The following OR5K1 variants were observed in gnomAD, a reference collection of about 807,000 sequenced individuals.
OR5K1 encodes the protein olfactory receptor family 5 subfamily K member 1.
OR5K1 carries 7 observed loss-of-function variants against 10.4 expected under a neutral mutation model. The observed-to-expected ratio is 0.67, with a 90% CI of 0.38 to 1.26. The LOEUF (loss-of-function observed/expected upper bound fraction) is 1.26. Among genes scored for constraint, OR5K1 ranks in the 50% most tolerant of loss-of-function variants. The probability of loss-of-function intolerance (pLI) is 0.02; values close to 1 mark genes in which losing one functional copy is unlikely to be tolerated. For synonymous variants in OR5K1, 135 were observed against 128.5 expected, an observed-to-expected ratio of 1.05 and a Z score of -0.34; for missense variants, 435 against 366.2, an observed-to-expected ratio of 1.19 and a Z score of -1.53.
intron 1 of OR5K1, among the ~76,000 whole-genome samples, chr3:98,463,794 G>A (rs1705339056): frequency 6.6e-6 from 1 of 152,030 alleles, no homozygotes; most frequent in African/African-American, 2.4e-5. Context: ...TATTCTTAGA[G>A]AAATAAAATA....
At position 98,469,567 on chromosome 3, in the gene OR5K1, C is replaced by G; in HGVS notation, c.-10C>G. The G allele has an allele frequency of 6.3e-7, 1 of 1,592,470 alleles. No homozygotes were observed. The highest frequency in any genetic ancestry group is 8.6e-7 in the Non-Finnish European group (1 of 1,169,190). On this transcript the variant is annotated splice_region_variant and 5_prime_UTR_variant, in exon 2 of 2. Coordinates refer to ENST00000642057, the MANE Select transcript of OR5K1 (RefSeq NM_001004736.4). ...TCTTTCTCCACAATTTTTTTTCAGA[C>G]AAGTCAGGAATGGCTGAAGAAAATC...
At position 98,469,611 on chromosome 3, in the gene OR5K1, T is replaced by C. The variant is rs201551866; in HGVS notation, c.35T>C (p.Phe12Ser). ...GAAAATCATACCATGAAAAATGAGT[T>C]TATCCTCACAGGATTTACAGATCAC... ...AEENHTMKNE[F>S]ILTGFTDHPE... Residue 12 changes from phenylalanine (F) to serine (S), a missense_variant, in exon 2 of 2, where the codon TTT becomes TCT. Transcript: ENST00000642057. 1 of 1,611,310 alleles carries C rather than the reference T, an allele frequency of 6.2e-7. No homozygotes were observed. Among genetic ancestry groups the C allele is most frequent in the East Asian group, 2.2e-5 (1 of 44,828 alleles).
rs1559640829 is a variant in OR5K1 at position 98,470,053 on chromosome 3, T to G, written c.477T>G (p.His159Gln). Residue 159 changes from histidine (H) to glutamine (Q), a missense_variant, in exon 2 of 2, where the codon CAT becomes CAG. His to Gln is a conservative substitution (Grantham distance 24). Transcript: ENST00000642057. ...CTGGAAACCTGCATTCCATGATTCA[T>G]GTAGGGCTTGTATTTAGGTTAGTTT... ...FIAGNLHSMIHVGLVFRLVFC... is the reference protein window; with the variant it reads ...FIAGNLHSMIQVGLVFRLVFC... 6.2e-7 allele frequency: 1 copy of G among 1,613,664 alleles called. No homozygotes were observed.
intron 1 of OR5K1, among the ~76,000 whole-genome samples, chr3:98,463,539 G>A (rs556621846): frequency 4.6e-4 from 70 of 152,148 alleles, no homozygotes; most frequent in Admixed American, 1.6e-3. Flanking sequence ...AGAGATAAAA[G>A]CACACTTTTA....
chr3:98,471,343 G>T lies in OR5K1; in HGVS notation c.*840G>T, dbSNP rs1481190522. The T allele has an allele frequency of 2.0e-5, 3 of 151,610 alleles. No individual in the cohort carries two copies. Among genetic ancestry groups the T allele is most frequent in the Non-Finnish European group, 4.4e-5 (3 of 67,876 alleles). 9.4% of individuals were successfully genotyped at this position (151,610 alleles called of 1,614,324 possible). On this transcript the variant is annotated 3_prime_UTR_variant, in exon 2 of 2. Transcript: ENST00000642057. ...TTCAACAATAGAGACCACTACCCTG[G>T]GTATATTATATATAGAAATGTAAAA...
Position 98,465,255 on chromosome 3 carries a change from A to G in OR5K1, c.-12+1948A>G, listed in dbSNP as rs549429049. 3.3e-5 allele frequency among the ~76,000 whole-genome samples: 5 copies of G among 152,260 alleles called. No homozygotes were observed. In the South Asian group the frequency reaches 8.3e-4, roughly 25 times the overall value. ...TAAAACTTTCTATTTTGTTTTTTAC[A>G]TAACGTATTTCTATCTATTTTATCA... On this transcript the variant is annotated intron_variant, in intron 1 of 1. Coordinates refer to ENST00000642057, the MANE Select transcript of OR5K1 (RefSeq NM_001004736.4).
In OR5K1 at chr3:98,469,491, C is replaced by T. The variant is rs1036367530; in HGVS notation, c.-11-75C>T. 8 of 1,393,994 alleles carry T rather than the reference C, an allele frequency of 5.7e-6. No homozygotes were observed. The African/African-American group carries it at 8.7e-5, about 15-fold the overall frequency. 86.4% of individuals were successfully genotyped at this position (1,393,994 alleles called of 1,614,324 possible). On this transcript the variant is annotated intron_variant, in intron 1 of 1. Transcript: ENST00000642057. Reference sequence around the variant, plus strand: ...AACATTGTGGAAGATGCTCTCCTTCCTTTAAGCCAAAGAGACCTAAATAAC... The same window carrying T: ...AACATTGTGGAAGATGCTCTCCTTCTTTTAAGCCAAAGAGACCTAAATAAC...
chr3:98,467,700 T>C (rs1456962300), intron 1 of OR5K1, among the ~76,000 whole-genome samples: 2 of 118,674 alleles, frequency 1.7e-5, no homozygotes, highest in African/African-American at 3.6e-5. Context: ...GGCTCTCTGT[T>C]TGTCTGTTGT....
chr3:98,464,756 G>A (rs1402545102), intron 1 of OR5K1, among the ~76,000 whole-genome samples: 1 of 152,130 alleles, frequency 6.6e-6, no homozygotes, highest in Non-Finnish European at 1.5e-5. Flanking sequence ...TTCCATAGAG[G>A]AGGTGACCTT....
chr3:98,466,114 G>A (rs1484927295), intron 1 of OR5K1, among the ~76,000 whole-genome samples: 2 of 150,714 alleles, frequency 1.3e-5, no homozygotes, highest in Admixed American at 1.3e-4. Flanking sequence ...TGATCTCATT[G>A]TTCAATTCCC....
At chr3:98,463,882 G>A (rs980135332) in intron 1 of OR5K1, among the ~76,000 whole-genome samples, 3 of 152,100 alleles carry the variant, frequency 2.0e-5, no homozygotes, top group Non-Finnish European at 4.4e-5. Flanking sequence ...ATAACTTCAA[G>A]CTGGCAAGGG....
In OR5K1 at chr3:98,470,514, G is replaced by T. The variant is rs1319018437; in HGVS notation, c.*11G>T. On this transcript the variant is annotated 3_prime_UTR_variant, in exon 2 of 2. Coordinates refer to ENST00000642057, the MANE Select transcript of OR5K1 (RefSeq NM_001004736.4). ...CTGATGAAGAAATAATCTCAAGAAA[G>T]ATGGAAACAAGTGACATCTACTATA... is the stretch of plus-strand genomic sequence containing the variant. 6.7e-7 allele frequency: 1 copy of T among 1,482,288 alleles called. No individual in the cohort carries two copies. Among genetic ancestry groups the T allele is most frequent in the South Asian group, 1.2e-5 (1 of 83,022 alleles). The allele number at this position is 1,482,288 out of a possible 1,614,324, so 91.8% of individuals were successfully genotyped here. A position where few individuals can be genotyped will look rare whatever the true frequency, so the allele number is the denominator to read the frequency against.
At chr3:98,467,190 G>A (rs1180595501) in intron 1 of OR5K1, among the ~76,000 whole-genome samples, 2 of 96,478 alleles carry the variant, frequency 2.1e-5, no homozygotes, top group Non-Finnish European at 4.0e-5. Flanking sequence ...TCTCAGGTTT[G>A]TCAAAGATCA....
At chr3:98,464,903 G>A (rs1047030213) in intron 1 of OR5K1, among the ~76,000 whole-genome samples, 2 of 152,132 alleles carry the variant, frequency 1.3e-5, no homozygotes, top group Non-Finnish European at 2.9e-5. Flanking sequence ...TGAATCCATT[G>A]TAACATTATT....
chr3:98,466,840 T>G (rs200086484), intron 1 of OR5K1, among the ~76,000 whole-genome samples: 45,794 of 103,944 alleles, frequency 0.44, 10,962 homozygotes, highest in African/African-American at 0.62. Flanking sequence ...TTTCTCCCAT[T>G]TTGTAGGTTG....
rs763335102 is a variant in OR5K1, at chr3:98,469,720, G to C, written c.144G>C (p.Leu48=). 3.3e-5 allele frequency: 53 copies of C among 1,613,662 alleles called. No homozygotes were observed. Among genetic ancestry groups the C allele is most frequent in the Non-Finnish European group, 4.3e-5 (51 of 1,179,814 alleles). ...TGGGGAATATTAGTTTGGTGGCACT[G>C]ATATTTACACACCGTCGGCTTCACA... The part of the protein sequence containing the change: ...TVVGNISLVA[L]IFTHRRLHTP... Residue 48 remains leucine (L), a synonymous_variant, in exon 2 of 2, where the codon CTG becomes CTC. Coordinates refer to ENST00000642057, the MANE Select transcript of OR5K1 (RefSeq NM_001004736.4).
Position 98,465,510 on chromosome 3 carries a change from G to A in OR5K1, c.-12+2203G>A, listed in dbSNP as rs552999003. 6.6e-5 allele frequency among the ~76,000 whole-genome samples: 10 copies of A among 152,148 alleles called. No individual in the cohort carries two copies. In the South Asian group the frequency reaches 1.0e-3, roughly 16 times the overall value. ...GTCAATTCATTATTATTGGCCAAAG[G>A]ATGTGAATGTTTAAGAGTTTCTTTA... On this transcript the variant is annotated intron_variant, in intron 1 of 1. Coordinates refer to ENST00000642057, the MANE Select transcript of OR5K1 (RefSeq NM_001004736.4).
Position 98,469,716 on chromosome 3 carries a change from C to T in OR5K1, c.140C>T (p.Ala47Val). 6.2e-7 allele frequency: 1 copy of T among 1,613,746 alleles called. No individual in the cohort carries two copies. Among genetic ancestry groups the T allele is most frequent in the Non-Finnish European group, 8.5e-7 (1 of 1,179,794 alleles). Reference protein sequence around the residue: ...ITVVGNISLVALIFTHRRLHT... With the variant: ...ITVVGNISLVVLIFTHRRLHT... ...GTGGTGGGGAATATTAGTTTGGTGG[C>T]ACTGATATTTACACACCGTCGGCTT... is the stretch of plus-strand genomic sequence containing the variant. Residue 47 changes from alanine to valine, a missense_variant, in exon 2 of 2, where the codon GCA becomes GTA. Transcript: ENST00000642057.
At chr3:98,465,189 A>T (rs1705357104) in intron 1 of OR5K1, among the ~76,000 whole-genome samples, 1 of 152,146 alleles carries the variant, frequency 6.6e-6, no homozygotes, top group African/African-American at 2.4e-5. Flanking sequence ...TTTAACCTTC[A>T]TATGTAAGCA....
Sources: allele counts gnomAD v4.1 joint callset (sites outside exome capture counted in the v4.1 genomes callset), GRCh38; gene constraint gnomAD v4.1.1; transcripts MANE v1.5; gene names NCBI Gene and HGNC (gene_info 2026-07-23, HGNC 2026-07-21).